DENND4A: variants seen among roughly 807,000 people sequenced by gnomAD.
DENND4A encodes the protein DENN domain containing 4A, also known as C-myc promoter-binding protein.
Under a neutral mutation model 199.3 loss-of-function variants are expected in DENND4A, and 70 were observed. The observed-to-expected ratio is 0.35, with a 90% CI of 0.29 to 0.43. The LOEUF is 0.43. Among genes scored for constraint, DENND4A ranks in the 20% least tolerant of loss-of-function variants. The pLI, the probability that DENND4A is intolerant of heterozygous loss-of-function variation, is 1.00. For missense variants in DENND4A, 1,723 were observed against 2,255.8 expected (o/e 0.76, Z 4.78); for synonymous variants, 686 against 766.9 (o/e 0.89, Z 1.74).
intron 4 of DENND4A, among the ~76,000 whole-genome samples, chr15:65,748,039 C>T: frequency 1.8e-5 from 1 of 54,380 alleles, no homozygotes; most frequent in South Asian, 8.4e-4. Flanking sequence ...TACTCCGTCT[C>T]AAAAAAAAAA....
At chr15:65,742,318 C>A (rs939940165) in intron 4 of DENND4A, among the ~76,000 whole-genome samples, 1 of 152,038 alleles carries the variant, frequency 6.6e-6, no homozygotes, top group South Asian at 2.1e-4. Flanking sequence ...GAGTCTCGCT[C>A]TGTCACCCAG....
intron 11 of DENND4A, among the ~76,000 whole-genome samples, chr15:65,726,965 T>C (rs72741254): frequency 0.22 from 32,824 of 151,284 alleles, 4,081 homozygotes; most frequent in African/African-American, 0.34. Flanking sequence ...CTCAAAAGAA[T>C]AAAAAGTAAA....
At chr15:65,663,390 G>A (rs1332547147) in intron 32 of DENND4A, among the ~76,000 whole-genome samples, 2 of 151,386 alleles carry the variant, frequency 1.3e-5, no homozygotes, top group Admixed American at 6.6e-5. Context: ...TGTATTTTTA[G>A]TAGAGATGGG....
At chr15:65,729,818 C>T in intron 9 of DENND4A, 140 bp from the exon 10 acceptor site, 1 of 727,338 alleles carries the variant, frequency 1.4e-6, no homozygotes. Context: ...ATTATATATT[C>T]ACCGTTAAAC....
At chr15:65,672,162 G>A (rs531593320) in intron 24 of DENND4A, among the ~76,000 whole-genome samples, 7 of 152,132 alleles carry the variant, frequency 4.6e-5, no homozygotes, top group African/African-American at 1.4e-4. Flanking sequence ...TATGTGAACA[G>A]ACTAGAAAAC....
At chr15:65,745,944 G>C (rs2076376044) in intron 4 of DENND4A, among the ~76,000 whole-genome samples, 1 of 151,570 alleles carries the variant, frequency 6.6e-6, no homozygotes, top group Admixed American at 6.6e-5. Flanking sequence ...GACCGGCCTG[G>C]CCAACATGGT....
chr15:65,705,685 ATTAGAT>A (rs1312388897), intron 15 of DENND4A, among the ~76,000 whole-genome samples: 6 of 152,010 alleles, frequency 3.9e-5, no homozygotes, highest in Admixed American at 2.6e-4. Context: ...TTGGCTCTAA[ATTAGAT>A]TTAATCTTTT....
chr15:65,731,865 T>C (rs1159924039), intron 8 of DENND4A, among the ~76,000 whole-genome samples, 165 bp from the exon 9 acceptor site: 3 of 152,094 alleles, frequency 2.0e-5, no homozygotes, highest in Admixed American at 6.5e-5. Flanking sequence ...TTGAAAAACA[T>C]GTCCTGACCC....
intron 3 of DENND4A, among the ~76,000 whole-genome samples, chr15:65,755,158 T>C (rs1056550662): frequency 6.6e-6 from 1 of 152,142 alleles, no homozygotes; most frequent in African/African-American, 2.4e-5. Context: ...ATCATATACA[T>C]AGTATGATTC....
At chr15:65,671,739 AT>A in intron 25 of DENND4A, 52 bp downstream of exon 25, 1 of 1,212,032 alleles carries the variant, frequency 8.3e-7, no homozygotes, top group Non-Finnish European at 1.2e-6. Flanking sequence ...TACTTAAGAA[AT>A]GTGCATTTTA....
Position 65,700,529 on chromosome 15 carries a change from T to C in DENND4A, c.2833+15A>G, listed in dbSNP as rs918890149. 14 of 1,418,196 alleles carry C rather than the reference T, an allele frequency of 9.9e-6. No individual in the cohort carries two copies. In the African/African-American group the frequency reaches 1.9e-4, roughly 19 times the overall value. 87.9% of individuals were successfully genotyped at this position (1,418,196 alleles called of 1,614,324 possible). A position where few individuals can be genotyped will look rare whatever the true frequency, so the allele number is the denominator to read the frequency against. ...AAATGTACTATAATAAATGTATACA[T>C]AAGCATACACAAACCTGTACTAGAT... is the stretch of plus-strand genomic sequence containing the variant. On this transcript the variant is annotated intron_variant, in intron 20 of 32. Transcript: ENST00000443035.
chr15:65,738,205 T>A (rs534866754), intron 6 of DENND4A, among the ~76,000 whole-genome samples: 24 of 152,276 alleles, frequency 1.6e-4, no homozygotes, highest in African/African-American at 3.6e-4. Context: ...AGCAATTTTA[T>A]CAATATTCTC....
At chr15:65,666,431 A>C (rs2076040739) in intron 29 of DENND4A, among the ~76,000 whole-genome samples, 2 of 152,204 alleles carry the variant, frequency 1.3e-5, no homozygotes, top group African/African-American at 4.8e-5. Context: ...GGGATGATTC[A>C]CATCCCAGAT....
At chr15:65,778,121 T>C (rs2077331967) in intron 1 of DENND4A, among the ~76,000 whole-genome samples, 1 of 152,114 alleles carries the variant, frequency 6.6e-6, no homozygotes, top group Non-Finnish European at 1.5e-5. Context: ...TTTCAAACAA[T>C]ATTCTATAAA....
intron 3 of DENND4A, among the ~76,000 whole-genome samples, chr15:65,753,115 A>T (rs2076610589): frequency 6.6e-6 from 1 of 152,136 alleles, no homozygotes; most frequent in Non-Finnish European, 1.5e-5. Context: ...ATCCATCCTT[A>T]ATCAAAAGTC....
chr15:65,685,238 T>G (rs2076728212), intron 23 of DENND4A, among the ~76,000 whole-genome samples: 1 of 152,128 alleles, frequency 6.6e-6, no homozygotes, highest in Admixed American at 6.5e-5. Flanking sequence ...GCCATTTCCC[T>G]GCCTCAGCCT....
At chr15:65,685,088 A>C (rs947521220) in intron 23 of DENND4A, among the ~76,000 whole-genome samples, 3 of 151,482 alleles carry the variant, frequency 2.0e-5, no homozygotes, top group Non-Finnish European at 4.4e-5. Context: ...CAGCCTCCCA[A>C]AGTTCTCAGA....
In DENND4A at chr15:65,667,342, A is replaced by C. The variant is rs1043056458; in HGVS notation, c.5241+107T>G. 3.8e-6 allele frequency: 5 copies of C among 1,325,568 alleles called. No homozygotes were observed. In the African/African-American group the frequency reaches 7.4e-5, roughly 20 times the overall value. The allele number at this position is 1,325,568 out of a possible 1,614,324, so 82.1% of individuals were successfully genotyped here. A position where few individuals can be genotyped will look rare whatever the true frequency, so the allele number is the denominator to read the frequency against. On this transcript the variant is annotated intron_variant, in intron 29 of 32. Transcript: ENST00000443035. Reference sequence around the variant, plus strand: ...AGACTACGTCTCAAAAAATAAAATAAAATAAATTTAGCATAAAAACAGACC... The same window carrying C: ...AGACTACGTCTCAAAAAATAAAATACAATAAATTTAGCATAAAAACAGACC...
At chr15:65,662,072 A>T in intron 32 of DENND4A, 85 bp from the exon 33 acceptor site, 1 of 1,155,678 alleles carries the variant, frequency 8.7e-7, no homozygotes, top group Non-Finnish European at 1.2e-6. Flanking sequence ...TACTACAGAA[A>T]CACAACATTA....
Sources: allele counts gnomAD v4.1 joint callset (sites outside exome capture counted in the v4.1 genomes callset), GRCh38; gene constraint gnomAD v4.1.1; transcripts MANE v1.5; gene names NCBI Gene and HGNC (gene_info 2026-07-23, HGNC 2026-07-21).